Variants in TSPAN4 observed in about 807,000 individuals in gnomAD.
TSPAN4 encodes the protein tetraspanin-4.
TSPAN4 carries 38 observed loss-of-function variants against 31.5 expected under a neutral mutation model. The ratio of observed to expected loss-of-function variants is 1.21; its 90% confidence interval spans 0.93 to 1.58. TSPAN4 has a LOEUF of 1.58. Among genes scored for constraint, TSPAN4 ranks in the 40% most tolerant of loss-of-function variants. The pLI is 0.00. For synonymous variants in TSPAN4, 186 were observed against 144.6 expected, an observed-to-expected ratio of 1.29 and a Z score of -2.06; for missense variants, 330 against 317.3, an observed-to-expected ratio of 1.04 and a Z score of -0.30.
intron 4 of TSPAN4, 21 bp from the exon 5 acceptor site, chr11:864,416 C>A: frequency 6.2e-7 from 1 of 1,611,080 alleles, no homozygotes. Flanking sequence ...GGGTCCCTGT[C>A]TGAGCCTGCC....
At chr11:864,594 G>C (rs1433496636) in intron 5 of TSPAN4, 83 bp downstream of exon 5, 1 of 1,552,382 alleles carries the variant, frequency 6.4e-7, no homozygotes, top group Admixed American at 1.7e-5. Context: ...GCCCGGTGTG[G>C]ACAGAGTGGC....
At chr11:845,132 G>A (rs913534324) in intron 1 of TSPAN4, among the ~76,000 whole-genome samples, 1 of 152,196 alleles carries the variant, frequency 6.6e-6, no homozygotes, top group African/African-American at 2.4e-5. Flanking sequence ...ACTGGGAGAG[G>A]GTGTTGAAGG....
At chr11:850,502 C>T in intron 3 of TSPAN4, 135 bp downstream of exon 3, 2 of 726,192 alleles carry the variant, frequency 2.8e-6, no homozygotes, top group Non-Finnish European at 2.3e-6. Context: ...CCCGGGAGGA[C>T]CCAAGACCGC....
chr11:845,308 C>T (rs1001702515), intron 1 of TSPAN4, among the ~76,000 whole-genome samples: 1 of 152,208 alleles, frequency 6.6e-6, no homozygotes, highest in African/African-American at 2.4e-5. Context: ...GGCCACTGCC[C>T]ACCGTACCCA....
chr11:865,668 C>G, intron 6 of TSPAN4, 26 bp from the exon 7 acceptor site: 3 of 1,612,734 alleles, frequency 1.9e-6, no homozygotes, highest in Non-Finnish European at 2.5e-6. Flanking sequence ...CCTCCTGCCT[C>G]AGCCCGACCT....
At chr11:853,890 G>T (rs1320462113) in intron 3 of TSPAN4, among the ~76,000 whole-genome samples, 1 of 152,238 alleles carries the variant, frequency 6.6e-6, no homozygotes, top group African/African-American at 2.4e-5. Flanking sequence ...CATTCCGGGG[G>T]AGGCTGGGTG....
At chr11:844,192 G>C (rs770766092) in intron 1 of TSPAN4, 1 of 152,646 alleles carries the variant, frequency 6.6e-6, no homozygotes, top group Non-Finnish European at 1.5e-5. Context: ...TGGAGGTGAG[G>C]GGGGCAGGGG....
intron 3 of TSPAN4, among the ~76,000 whole-genome samples, chr11:853,710 A>G (rs1847883759): frequency 6.6e-6 from 1 of 152,140 alleles, no homozygotes; most frequent in Non-Finnish European, 1.5e-5. Context: ...TCCTAACCCC[A>G]TGGACATCTG....
chr11:856,969 C>CCGGGTTG (rs1848081405), intron 3 of TSPAN4: 1 of 152,240 alleles, frequency 6.6e-6, no homozygotes, highest in South Asian at 2.1e-4. Context: ...CCGGGGGACG[C>CCGGGTTG]CAGGTTGCAG....
chr11:843,289 C>T (rs1036887996), intron 1 of TSPAN4: 1 of 152,370 alleles, frequency 6.6e-6, no homozygotes, highest in African/African-American at 2.4e-5. Flanking sequence ...CCCCGGGCTC[C>T]TGTCCGCGTT....
chr11:860,167 C>A (rs931943036), intron 3 of TSPAN4, among the ~76,000 whole-genome samples: 3 of 152,270 alleles, frequency 2.0e-5, no homozygotes, highest in African/African-American at 4.8e-5. Context: ...CGGGGAAGGA[C>A]AGAGCCTGCC....
chr11:849,288 G>A (rs1772866486), intron 2 of TSPAN4, among the ~76,000 whole-genome samples: 1 of 152,150 alleles, frequency 6.6e-6, no homozygotes, highest in Admixed American at 6.5e-5. Context: ...TATAGTCAAA[G>A]ACTCAACGAC....
intron 5 of TSPAN4, chr11:865,081 C>T (rs1301791796): frequency 1.6e-5 from 3 of 189,272 alleles, no homozygotes; most frequent in East Asian, 2.8e-4. Context: ...GCAGGGCGCT[C>T]CAGGCTCCTT....
At chr11:864,175 G>T in intron 4 of TSPAN4, 1 of 559,304 alleles carries the variant, frequency 1.8e-6, no homozygotes, top group Non-Finnish European at 3.2e-6. Flanking sequence ...CCCCAGGGAT[G>T]GGGGCAGGGG....
rs1847590661 is a variant in TSPAN4, at chr11:850,246, A to G, written c.-17-42A>G. On this transcript the variant is annotated intron_variant, in intron 2 of 8. Transcript: ENST00000397397. ...TACACGTCGCCCAAGGGCAACAAGT[A>G]CGTGGTTTTCTACCTGGACCTCTCC... 4 of 1,507,426 alleles carry G rather than the reference A, an allele frequency of 2.7e-6. No homozygotes were observed. In the South Asian group the frequency reaches 4.7e-5, roughly 18 times the overall value. The allele number at this position is 1,507,426 out of a possible 1,614,324, so 93.4% of individuals were successfully genotyped here. A position where few individuals can be genotyped will look rare whatever the true frequency, so the allele number is the denominator to read the frequency against.
chr11:865,497 C>T lies in TSPAN4; in HGVS notation c.331-16C>T, dbSNP rs1324032310. 7 of 1,604,914 alleles carry T rather than the reference C, an allele frequency of 4.4e-6. No homozygotes were observed. Among genetic ancestry groups the T allele is most frequent in the South Asian group, 3.3e-5 (3 of 90,676 alleles). Reference sequence around the variant, plus strand: ...TACAGTGGGAGGGGCCCTGCTGACCCCCCCCGCACCCCCAGATTGACAGGT... The same window carrying T: ...TACAGTGGGAGGGGCCCTGCTGACCTCCCCCGCACCCCCAGATTGACAGGT... On this transcript the variant is annotated splice_polypyrimidine_tract_variant and intron_variant, in intron 5 of 8. Transcript: ENST00000397397.
At chr11:863,757 G>C (rs533333425) in intron 4 of TSPAN4, 3 of 153,678 alleles carry the variant, frequency 2.0e-5, no homozygotes, top group African/African-American at 7.2e-5. Flanking sequence ...CACTCTGCCT[G>C]GGCCCCCCAG....
At position 848,702 on chromosome 11, in the gene TSPAN4, T is replaced by G. The variant is rs1255529563; in HGVS notation, c.-18+1402T>G. The G allele has an allele frequency of 7.8e-6, 4 of 511,836 alleles. No individual in the cohort carries two copies. The highest frequency in any genetic ancestry group is 1.4e-5 in the Non-Finnish European group (4 of 287,792). 31.7% of individuals were successfully genotyped at this position (511,836 alleles called of 1,614,324 possible). A position where few individuals can be genotyped will look rare whatever the true frequency, so the allele number is the denominator to read the frequency against. ...TCCCTCCTCTTCCTCCTGCCCTTCC[T>G]CATTCCCCACCTCTGGGCTTCAGGT... On this transcript the variant is annotated intron_variant, in intron 2 of 8. Transcript: ENST00000397397. The surrounding 1 kb of genome is among the most constrained non-coding windows in gnomAD (Gnocchi z 5.7).
rs1415698811 is a variant in TSPAN4, at chr11:865,555, C to A, written c.373C>A (p.Leu125Met). 6.2e-7 allele frequency: 1 copy of A among 1,612,496 alleles called. No homozygotes were observed. The stretch of plus-strand genomic sequence containing the variant: ...GCAAGACCTGAAGAAAGGCTTGCAC[C>A]TGTACGGCACGCAGGGCAACGTGGG... ...AQQDLKKGLHLYGTQGNVGLT... is the reference protein window; with the variant it reads ...AQQDLKKGLHMYGTQGNVGLT... Residue 125 changes from leucine (L) to methionine (M), a missense_variant, in exon 6 of 9, where the codon CTG becomes ATG. By Grantham distance (15) the Leu-to-Met change is conservative. Coordinates refer to ENST00000397397, the MANE Select transcript of TSPAN4 (RefSeq NM_003271.5).
Sources: gnomAD v4.1 joint callset for allele counts (sites outside exome capture counted in the v4.1 genomes callset) on GRCh38, gnomAD v4.1.1 for gene constraint, Gnocchi (gnomAD v3.1) non-coding constraint, MANE v1.5 for transcripts, NCBI Gene and HGNC (gene_info 2026-07-23, HGNC 2026-07-21) for gene names.